Variants in EPHA6 observed in about 807,000 individuals in gnomAD.
The protein encoded by EPHA6 is EPH receptor A6, also known as ephrin type-A receptor 6.
In EPHA6, 50 loss-of-function variants were observed where a neutral mutation model predicts 112.0. The ratio of observed to expected loss-of-function variants is 0.45; its 90% CI spans 0.36 to 0.56. The LOEUF (loss-of-function observed/expected upper bound fraction) is 0.56, where lower values mean the gene tolerates loss of function less well. Among genes scored for constraint, EPHA6 ranks in the 20% least tolerant of loss-of-function variants. The pLI, the probability that EPHA6 is intolerant of heterozygous loss-of-function variation, is 0.00. For synonymous variants in EPHA6, 529 were observed against 490.7 expected (o/e 1.08, Z -1.03); for missense variants, 1,280 against 1,417.4 (o/e 0.90, Z 1.56).
intron 3 of EPHA6, among the ~76,000 whole-genome samples, chr3:97,074,018 A>G (rs2046438780): frequency 6.6e-6 from 1 of 151,808 alleles, no homozygotes; most frequent in Non-Finnish European, 1.5e-5. Flanking sequence ...TTTGCCTACT[A>G]CTGATTATAT....
chr3:97,333,210 A>G (rs567461346), intron 5 of EPHA6, among the ~76,000 whole-genome samples: 1 of 152,074 alleles, frequency 6.6e-6, no homozygotes, highest in South Asian at 2.1e-4. Context: ...TAAGTATTCA[A>G]TTTTACCTGG....
chr3:97,012,318 T>C (rs1262559973), intron 3 of EPHA6, among the ~76,000 whole-genome samples: 1 of 151,270 alleles, frequency 6.6e-6, no homozygotes. Context: ...CCAGCATCTG[T>C]TTTTGCTTTT....
At chr3:97,543,152 G>C (rs1315471241) in intron 11 of EPHA6, among the ~76,000 whole-genome samples, 1 of 152,110 alleles carries the variant, frequency 6.6e-6, no homozygotes, top group Non-Finnish European at 1.5e-5. Flanking sequence ...TGGTGTTTTA[G>C]ACATGAAGTC....
chr3:96,827,188 C>A (rs144485623), intron 1 of EPHA6, among the ~76,000 whole-genome samples: 1 of 152,146 alleles, frequency 6.6e-6, no homozygotes, highest in Non-Finnish European at 1.5e-5. Flanking sequence ...GCCTCACACA[C>A]GTTATAGTCT....
chr3:97,025,223 T>C (rs925821228), intron 3 of EPHA6, among the ~76,000 whole-genome samples: 1 of 152,206 alleles, frequency 6.6e-6, no homozygotes, highest in Non-Finnish European at 1.5e-5. Flanking sequence ...GCACTCACCA[T>C]TATTATGCAA....
chr3:97,190,893 C>G (rs1181070327), intron 3 of EPHA6, among the ~76,000 whole-genome samples: 3 of 152,086 alleles, frequency 2.0e-5, no homozygotes, highest in South Asian at 2.1e-4. Context: ...TAGCAATTTT[C>G]AAGTGTGTAA....
chr3:97,466,306 C>A (rs148268704), intron 7 of EPHA6: 1 of 1,473,198 alleles, frequency 6.8e-7, no homozygotes, highest in Non-Finnish European at 9.5e-7. Flanking sequence ...ACATAATAAA[C>A]AATGAGAAGT....
chr3:97,688,754 C>T (rs905594320), intron 14 of EPHA6, among the ~76,000 whole-genome samples: 4 of 151,250 alleles, frequency 2.6e-5, no homozygotes, highest in Admixed American at 2.0e-4. Context: ...AAAAAAGTAA[C>T]GTACTTCTAC....
At chr3:97,356,212 G>A (rs2084068854) in intron 5 of EPHA6, among the ~76,000 whole-genome samples, 1 of 152,160 alleles carries the variant, frequency 6.6e-6, no homozygotes, top group African/African-American at 2.4e-5. Flanking sequence ...AAGCTTGATG[G>A]TCTGTCACTG....
chr3:96,871,590 T>C (rs2107473507), intron 2 of EPHA6, among the ~76,000 whole-genome samples: 1 of 152,162 alleles, frequency 6.6e-6, no homozygotes, highest in South Asian at 2.1e-4. Flanking sequence ...TGAGTACTTT[T>C]TTCATTTAAA....
chr3:97,014,723 G>A (rs1460655829), intron 3 of EPHA6, among the ~76,000 whole-genome samples: 2 of 152,150 alleles, frequency 1.3e-5, no homozygotes, highest in East Asian at 3.9e-4. Context: ...CACGTGGAAT[G>A]TTTCTTTAAA....
chr3:97,207,198 T>A lies in EPHA6; in HGVS notation c.1115-19066T>A, dbSNP rs527366223. Among the ~76,000 whole-genome samples the A allele has an allele frequency of 1.9e-3, 282 of 152,278 alleles. 3 individuals carry two copies. The highest frequency in any genetic ancestry group is 6.6e-3 in the African/African-American group (275 of 41,568). On this transcript the variant is annotated intron_variant, in intron 3 of 17. Coordinates refer to ENST00000389672, the MANE Select transcript of EPHA6 (RefSeq NM_001080448.3). ...CAAAAAAAGCTGTATCAGAATATAATGTAGCAATGTTGACTGAATATAAAA... is the reference window on the plus strand; with the variant it reads ...CAAAAAAAGCTGTATCAGAATATAAAGTAGCAATGTTGACTGAATATAAAA...
rs187290784 is a variant in EPHA6, at chr3:97,119,205, A to G, written c.1115-107059A>G. 1.2e-4 allele frequency among the ~76,000 whole-genome samples: 19 copies of G among 152,082 alleles called. No individual in the cohort carries two copies. The East Asian group carries it at 3.5e-3, about 28-fold the overall frequency. On this transcript the variant is annotated intron_variant, in intron 3 of 17. Transcript: ENST00000389672. ...CTGAAACAAAGCAGGACAGGAGCAGACCCAAGCCAGGCTACTAAGAAACTA... is the reference window on the plus strand; with the variant it reads ...CTGAAACAAAGCAGGACAGGAGCAGGCCCAAGCCAGGCTACTAAGAAACTA...
Position 97,330,389 on chromosome 3 carries a change from A to T in EPHA6, c.1607-74761A>T, listed in dbSNP as rs183230042. On this transcript the variant is annotated intron_variant, in intron 5 of 17. Coordinates refer to ENST00000389672, the MANE Select transcript of EPHA6 (RefSeq NM_001080448.3). ...GGTAGTTTGATGGGGATGGCATTGA[A>T]TCTATAAATTACCTTGGGCAATATG... 1.6e-4 allele frequency among the ~76,000 whole-genome samples: 25 copies of T among 152,220 alleles called. No individual in the cohort carries two copies. In the East Asian group the frequency reaches 4.7e-3, roughly 28 times the overall value.
At chr3:97,592,523 T>G (rs552925476) in intron 11 of EPHA6, 89 bp from the exon 12 acceptor site, 2 of 1,466,402 alleles carry the variant, frequency 1.4e-6, no homozygotes, top group Non-Finnish European at 1.9e-6. Context: ...TTTGATGTCT[T>G]TGTTGATTTT....
chr3:97,500,833 T>A (rs2092099562), intron 10 of EPHA6, among the ~76,000 whole-genome samples: 1 of 152,174 alleles, frequency 6.6e-6, no homozygotes, highest in African/African-American at 2.4e-5. Context: ...AGGAGTATAG[T>A]TAAATTAATT....
intron 5 of EPHA6, among the ~76,000 whole-genome samples, chr3:97,327,517 C>T (rs542938028): frequency 1.3e-5 from 2 of 151,464 alleles, no homozygotes; most frequent in South Asian, 4.2e-4. Flanking sequence ...ATATGCTAAG[C>T]TTTATAAAAT....
At chr3:97,548,903 A>T (rs892033455) in intron 11 of EPHA6, among the ~76,000 whole-genome samples, 1 of 152,200 alleles carries the variant, frequency 6.6e-6, no homozygotes, top group Non-Finnish European at 1.5e-5. Flanking sequence ...TACGAAGGTG[A>T]AGCCATCGGA....
intron 11 of EPHA6, among the ~76,000 whole-genome samples, chr3:97,585,980 A>T (rs2093484075): frequency 6.6e-6 from 1 of 152,248 alleles, no homozygotes; most frequent in Admixed American, 6.5e-5. Context: ...ATATTTTCCC[A>T]TTCTAAGCCA....
Sources: allele counts gnomAD v4.1 joint callset (sites outside exome capture counted in the v4.1 genomes callset), GRCh38; gene constraint gnomAD v4.1.1; transcripts MANE v1.5; gene names NCBI Gene and HGNC (gene_info 2026-07-23, HGNC 2026-07-21).